GALNT13: variants seen among roughly 807,000 people sequenced by gnomAD.
GALNT13 encodes polypeptide N-acetylgalactosaminyltransferase 13, also known as UDP-GalNAc:polypeptide N-acetylgalactosaminyltransferase 13.
A neutral mutation model predicts 64.2 loss-of-function variants in GALNT13; 28 were observed. That is an observed-to-expected ratio of 0.44 (90% CI 0.32 to 0.60). GALNT13 has a LOEUF of 0.60. Among genes scored for constraint, GALNT13 ranks in the 20% least tolerant of loss-of-function variants. The pLI is 0.05. For missense variants in GALNT13, 577 were observed against 669.8 expected, an observed-to-expected ratio of 0.86 and a Z score of 1.53; for synonymous variants, 214 against 224.6, an observed-to-expected ratio of 0.95 and a Z score of 0.42.
At chr2:153,304,615 C>T in the GALNT13 span, among the ~76,000 whole-genome samples, 2 of 152,064 alleles carry the variant, frequency 1.3e-5, no homozygotes, top group Non-Finnish European at 2.9e-5. Flanking sequence ...AACCTAGTGG[C>T]TAATTTTCCC....
the GALNT13 span, among the ~76,000 whole-genome samples, chr2:153,230,521 A>G: frequency 2.0e-5 from 3 of 151,998 alleles, 1 homozygote; most frequent in African/African-American, 7.3e-5. Flanking sequence ...AAATGGAGGA[A>G]CCCCAAATAA....
At chr2:153,751,911 T>TTTCC in the GALNT13 span, among the ~76,000 whole-genome samples, 1 of 151,766 alleles carries the variant, frequency 6.6e-6, no homozygotes, top group African/African-American at 2.4e-5. Flanking sequence ...TCTTTCTTTC[T>TTTCC]TTCCTTCCTG....
intron 4 of GALNT13, among the ~76,000 whole-genome samples, chr2:154,221,882 T>C (rs371876781): frequency 2.6e-5 from 4 of 152,226 alleles, no homozygotes; most frequent in African/African-American, 9.6e-5. Flanking sequence ...GAGTAGGCTT[T>C]CCTTTTTCCC....
the GALNT13 span, among the ~76,000 whole-genome samples, chr2:153,842,815 G>T: frequency 6.6e-6 from 1 of 151,924 alleles, no homozygotes; most frequent in East Asian, 1.9e-4. Flanking sequence ...TGAACTTTAA[G>T]ATTAATATGT....
At chr2:153,743,339 A>G in the GALNT13 span, among the ~76,000 whole-genome samples, 1 of 152,120 alleles carries the variant, frequency 6.6e-6, no homozygotes, top group Non-Finnish European at 1.5e-5. Flanking sequence ...GTTGTTGTGA[A>G]TAGTACTGCA....
chr2:154,022,605 G>A (rs755891951), intron 3 of GALNT13, among the ~76,000 whole-genome samples: 34 of 151,936 alleles, frequency 2.2e-4, no homozygotes, highest in Non-Finnish European at 4.4e-4. Context: ...TATTAGTCTT[G>A]CTAGCGGTCT....
At chr2:154,008,456 G>A (rs1351578696) in intron 3 of GALNT13, among the ~76,000 whole-genome samples, 1 of 151,724 alleles carries the variant, frequency 6.6e-6, no homozygotes, top group Non-Finnish European at 1.5e-5. Flanking sequence ...TTAGGTTTAG[G>A]GGTATATGTA....
intron 9 of GALNT13, among the ~76,000 whole-genome samples, chr2:154,384,300 T>A (rs1574207288): frequency 6.6e-6 from 1 of 152,022 alleles, no homozygotes; most frequent in East Asian, 1.9e-4. Context: ...GGAAAATGAA[T>A]CTAGAAAATG....
chr2:153,560,661 A>G, the GALNT13 span, among the ~76,000 whole-genome samples: 2 of 152,022 alleles, frequency 1.3e-5, no homozygotes. Flanking sequence ...TATTTTTGAT[A>G]TTCTACTTAT....
At chr2:153,926,860 A>T (rs1353759093) in intron 2 of GALNT13, among the ~76,000 whole-genome samples, 1 of 152,146 alleles carries the variant, frequency 6.6e-6, no homozygotes, top group East Asian at 1.9e-4. Context: ...CTCATTATTC[A>T]GATAATAAAT....
the GALNT13 span, among the ~76,000 whole-genome samples, chr2:153,234,490 G>T: frequency 6.6e-6 from 1 of 152,070 alleles, no homozygotes; most frequent in Non-Finnish European, 1.5e-5. Flanking sequence ...CACTGGAGTA[G>T]CCTGGCTAAA....
the GALNT13 span, among the ~76,000 whole-genome samples, chr2:153,570,410 T>G: frequency 6.7e-6 from 1 of 148,460 alleles, no homozygotes; most frequent in Non-Finnish European, 1.5e-5. Context: ...TTTAAGCAAA[T>G]AATAACTTTG....
At chr2:154,421,958 A>G (rs115248587) in intron 11 of GALNT13, among the ~76,000 whole-genome samples, 105 of 152,214 alleles carry the variant, frequency 6.9e-4, no homozygotes, top group African/African-American at 2.3e-3. Flanking sequence ...ATTCAGGAAA[A>G]GTTCTGATAA....
chr2:153,247,643 C>T, the GALNT13 span, among the ~76,000 whole-genome samples: 2 of 151,972 alleles, frequency 1.3e-5, no homozygotes, highest in Admixed American at 6.6e-5. Context: ...CCTAATATCA[C>T]GATTAAAATA....
intron 9 of GALNT13, among the ~76,000 whole-genome samples, chr2:154,340,042 A>G: frequency 6.6e-6 from 1 of 152,164 alleles, no homozygotes; most frequent in East Asian, 1.9e-4. Context: ...TTCTGTCTTC[A>G]AAATGGTAGA....
chr2:153,257,239 G>A, the GALNT13 span, among the ~76,000 whole-genome samples: 125,670 of 152,060 alleles, frequency 0.83, 53,127 homozygotes, highest in African/African-American at 0.91. Context: ...TCACCCCTTT[G>A]TTTGACTAGG....
At chr2:153,710,983 GT>G in the GALNT13 span, among the ~76,000 whole-genome samples, 2 of 151,996 alleles carry the variant, frequency 1.3e-5, no homozygotes, top group Non-Finnish European at 2.9e-5. Context: ...TAGATTTGAT[GT>G]TTTTAAAAAT....
chr2:153,186,870 G>C, the GALNT13 span, among the ~76,000 whole-genome samples: 1 of 152,254 alleles, frequency 6.6e-6, no homozygotes, highest in Admixed American at 6.5e-5. Context: ...CCAGCCTTTG[G>C]TGAGTTTTTG....
At chr2:153,874,697 G>T (rs1291530417) in intron 1 of GALNT13, among the ~76,000 whole-genome samples, 1 of 152,014 alleles carries the variant, frequency 6.6e-6, no homozygotes, top group Non-Finnish European at 1.5e-5. Context: ...CCACCTCCCC[G>T]CTCCTTTTTT....
Sources: allele counts gnomAD v4.1 joint callset (sites outside exome capture counted in the v4.1 genomes callset), GRCh38; gene constraint gnomAD v4.1.1; transcripts MANE v1.5; gene names NCBI Gene and HGNC (gene_info 2026-07-23, HGNC 2026-07-21).